The following RPH3AL variants were observed in gnomAD, a reference collection of about 807,000 sequenced individuals.
RPH3AL encodes the protein rab effector Noc2.
In RPH3AL, 38 loss-of-function variants were observed where a neutral mutation model predicts 43.1. That is an observed-to-expected ratio of 0.88 (90% CI 0.68 to 1.15). The LOEUF (loss-of-function observed/expected upper bound fraction) is 1.15, where lower values mean the gene tolerates loss of function less well. Among genes scored for constraint, RPH3AL ranks in the 50% most tolerant of loss-of-function variants. The probability of loss-of-function intolerance (pLI) is 0.00; values close to 1 mark genes in which losing one functional copy is unlikely to be tolerated. For synonymous variants in RPH3AL, 189 were observed against 176.3 expected (o/e 1.07, Z -0.57); for missense variants, 462 against 423.2 (o/e 1.09, Z -0.81).
In RPH3AL at chr17:253,646, C is replaced by G. The variant is rs367544801; in HGVS notation, c.439-6361G>C. On this transcript the variant is annotated intron_variant, in intron 6 of 9. Coordinates refer to ENST00000331302, the MANE Select transcript of RPH3AL (RefSeq NM_006987.4). ...GCTCTCCTCTGCCCTGGCCCCTGGCCACCCCAGTCTGCTGTCTGTCCCTAG... is the reference window on the plus strand; with the variant it reads ...GCTCTCCTCTGCCCTGGCCCCTGGCGACCCCAGTCTGCTGTCTGTCCCTAG... Among the ~76,000 whole-genome samples the G allele has an allele frequency of 3.9e-5, 6 of 152,062 alleles. No individual in the cohort carries two copies. In the South Asian group the frequency reaches 1.3e-3, roughly 33 times the overall value.
chr17:227,041 G>A (rs911488939), intron 7 of RPH3AL, among the ~76,000 whole-genome samples: 2 of 152,224 alleles, frequency 1.3e-5, no homozygotes, highest in African/African-American at 4.8e-5. Flanking sequence ...GTATCATGGA[G>A]TCACCCGGGT....
chr17:229,070 A>T (rs958014690), intron 7 of RPH3AL, among the ~76,000 whole-genome samples: 1 of 152,210 alleles, frequency 6.6e-6, no homozygotes. Context: ...ATTTTTAAAA[A>T]ATTAGAATCT....
At chr17:304,433 G>A (rs55929526) in intron 5 of RPH3AL, among the ~76,000 whole-genome samples, 48,834 of 151,938 alleles carry the variant, frequency 0.32, 8,104 homozygotes, top group Middle Eastern at 0.39. Flanking sequence ...AAATTCCGTC[G>A]AGAGGAAACT....
chr17:309,450 CATCCCTT>C (rs2043580474), intron 5 of RPH3AL, among the ~76,000 whole-genome samples: 8 of 36,704 alleles, frequency 2.2e-4, no homozygotes, highest in East Asian at 2.1e-3. Flanking sequence ...GGATACGGCA[CATCCCTT>C]GTCCAGGGCT....
At chr17:237,124 T>C (rs1046399212) in intron 7 of RPH3AL, among the ~76,000 whole-genome samples, 1 of 152,148 alleles carries the variant, frequency 6.6e-6, no homozygotes, top group Non-Finnish European at 1.5e-5. Flanking sequence ...GCAGGATCAC[T>C]GGGGAAGGGC....
At chr17:316,793 G>A (rs937163355) in intron 5 of RPH3AL, among the ~76,000 whole-genome samples, 1 of 112,908 alleles carries the variant, frequency 8.9e-6, no homozygotes, top group African/African-American at 4.9e-5. Context: ...CACCTCCATT[G>A]ACCTGTAGTC....
chr17:273,072 G>GTCAGGGAGAGACCCCAGCGAGGGTGACT (rs2042544108), intron 6 of RPH3AL, among the ~76,000 whole-genome samples: 1 of 112,262 alleles, frequency 8.9e-6, no homozygotes, highest in Non-Finnish European at 2.0e-5. Flanking sequence ...CGAGGGCGAC[G>GTCAGGGAGAGACCCCAGCGAGGGTGACT]TCAGGGAGAG....
At chr17:341,537 CTA>C (rs1364575311) in intron 1 of RPH3AL, 2 of 152,160 alleles carry the variant, frequency 1.3e-5, no homozygotes, top group Non-Finnish European at 2.9e-5. Flanking sequence ...AGAGCTAAAA[CTA>C]TGAAATTCGT....
At chr17:252,302 T>C (rs1228442120) in intron 6 of RPH3AL, among the ~76,000 whole-genome samples, 1 of 151,962 alleles carries the variant, frequency 6.6e-6, no homozygotes, top group African/African-American at 2.4e-5. Context: ...TCCTGAAAAA[T>C]ACATACCTAG....
intron 5 of RPH3AL, among the ~76,000 whole-genome samples, chr17:285,093 G>A (rs149874256): frequency 6.6e-6 from 1 of 152,238 alleles, no homozygotes; most frequent in East Asian, 1.9e-4. Context: ...CCACAGCAGC[G>A]CCCGACCAGG....
chr17:303,243 T>C (rs1261519750), intron 5 of RPH3AL, among the ~76,000 whole-genome samples: 1 of 151,860 alleles, frequency 6.6e-6, no homozygotes, highest in Non-Finnish European at 1.5e-5. Flanking sequence ...AATGAGAAAT[T>C]AGCCAGGAGT....
intron 1 of RPH3AL, chr17:339,102 C>T (rs1489028167): frequency 6.6e-6 from 1 of 152,392 alleles, no homozygotes; most frequent in African/African-American, 2.4e-5. Context: ...GCTGACCTCG[C>T]CTGCTATCTG....
intron 1 of RPH3AL, chr17:341,355 A>G (rs544438827): frequency 6.6e-6 from 1 of 152,118 alleles, no homozygotes; most frequent in African/African-American, 2.4e-5. Context: ...AAACCCATAC[A>G]TCCGTGGTCA....
intron 5 of RPH3AL, among the ~76,000 whole-genome samples, chr17:301,926 G>A (rs1338427248): frequency 6.6e-6 from 1 of 152,196 alleles, no homozygotes. Flanking sequence ...CCATCTCCTG[G>A]GGGCCATGAG....
rs982427681 is a variant in RPH3AL at position 344,922 on chromosome 17, G to A, written c.-213+7790C>T. 2.2e-5 allele frequency among the ~76,000 whole-genome samples: 3 copies of A among 135,928 alleles called. 1 individual carries two copies. Among genetic ancestry groups the A allele is most frequent in the Admixed American group, 7.1e-5 (1 of 14,068 alleles). The allele number at this position is 135,928 out of a possible 152,430, so 89.2% of individuals were successfully genotyped here. A position where few individuals can be genotyped will look rare whatever the true frequency, so the allele number is the denominator to read the frequency against. On this transcript the variant is annotated intron_variant, in intron 1 of 9. Transcript: ENST00000331302. ...ATAGAAAGTGTATATACTGGGAAGA[G>A]GAATCAGCATGAGGGGAAAGGCCAC...
chr17:252,811 C>A (rs377699167), intron 6 of RPH3AL, among the ~76,000 whole-genome samples: 174 of 152,300 alleles, frequency 1.1e-3, no homozygotes, highest in Middle Eastern at 0.01. Context: ...TATACTTAAC[C>A]AGTTCAGCAT....
intron 1 of RPH3AL, among the ~76,000 whole-genome samples, chr17:347,693 C>T (rs1421300086): frequency 6.6e-6 from 1 of 152,174 alleles, no homozygotes; most frequent in Non-Finnish European, 1.5e-5. Context: ...ATGAACTGAA[C>T]ATTTATGCAA....
intron 7 of RPH3AL, among the ~76,000 whole-genome samples, chr17:243,438 T>C (rs369080141): frequency 1.0e-4 from 14 of 137,260 alleles, no homozygotes; most frequent in South Asian, 5.0e-4. Flanking sequence ...CCTCTATTGA[T>C]TACCTTCCTC....
At chr17:296,636 C>T (rs559893920) in intron 5 of RPH3AL, among the ~76,000 whole-genome samples, 28 of 152,320 alleles carry the variant, frequency 1.8e-4, no homozygotes, top group Admixed American at 5.2e-4. Context: ...TGGCCACCAC[C>T]GGTTGCACCT....
Sources: gnomAD v4.1 joint callset for allele counts (sites outside exome capture counted in the v4.1 genomes callset) on GRCh38, gnomAD v4.1.1 for gene constraint, MANE v1.5 for transcripts, NCBI Gene and HGNC (gene_info 2026-07-23, HGNC 2026-07-21) for gene names.